Variants in RNGTT observed in about 807,000 individuals in gnomAD.
RNGTT encodes mRNA-capping enzyme.
In RNGTT, 33 loss-of-function variants were observed where a neutral mutation model predicts 79.3. The observed-to-expected ratio is 0.42, with a 90% confidence interval of 0.32 to 0.56. The LOEUF (loss-of-function observed/expected upper bound fraction) is 0.56, where lower values mean the gene tolerates loss of function less well. RNGTT is among the 20% of genes least tolerant of loss of function. The pLI, the probability that RNGTT is intolerant of heterozygous loss-of-function variation, is 0.17. For synonymous variants in RNGTT, 222 were observed against 235.9 expected, an observed-to-expected ratio of 0.94 and a Z score of 0.54; for missense variants, 497 against 739.1, an observed-to-expected ratio of 0.67 and a Z score of 3.80.
chr6:88,860,332 A>C (rs2127912820), intron 8 of RNGTT, among the ~76,000 whole-genome samples: 1 of 152,326 alleles, frequency 6.6e-6, no homozygotes, highest in East Asian at 1.9e-4. Flanking sequence ...TTTGTTTGGA[A>C]GAAACGATGG....
At chr6:88,729,975 T>G (rs969856275) in intron 13 of RNGTT, among the ~76,000 whole-genome samples, 1 of 152,182 alleles carries the variant, frequency 6.6e-6, no homozygotes, top group African/African-American at 2.4e-5. Context: ...TGTCACACCA[T>G]GCATCTGTGG....
chr6:88,834,698 T>C (rs1454225554), intron 11 of RNGTT, among the ~76,000 whole-genome samples: 1 of 152,148 alleles, frequency 6.6e-6, no homozygotes, highest in Non-Finnish European at 1.5e-5. Context: ...GATACAGTCA[T>C]AGAACAGTGA....
intron 8 of RNGTT, 73 bp from the exon 9 acceptor site, chr6:88,853,837 T>C: frequency 2.2e-6 from 2 of 894,476 alleles, no homozygotes; most frequent in Non-Finnish European, 3.4e-6. Flanking sequence ...AATAACATAC[T>C]GGTTTTCCAT....
intron 13 of RNGTT, among the ~76,000 whole-genome samples, chr6:88,708,068 G>T (rs1776199058): frequency 6.6e-6 from 1 of 151,958 alleles, no homozygotes; most frequent in African/African-American, 2.4e-5. Flanking sequence ...TTTTTCTTCT[G>T]TTTTAATAGT....
intron 11 of RNGTT, among the ~76,000 whole-genome samples, chr6:88,816,738 C>A (rs1204055503): frequency 1.3e-5 from 2 of 152,082 alleles, no homozygotes; most frequent in East Asian, 3.9e-4. Flanking sequence ...ACCCTAGAAT[C>A]AGTAATAAAA....
At chr6:88,924,099 G>C (rs945499239) in intron 4 of RNGTT, among the ~76,000 whole-genome samples, 1 of 152,200 alleles carries the variant, frequency 6.6e-6, no homozygotes, top group Non-Finnish European at 1.5e-5. Flanking sequence ...GGCTGGCTTC[G>C]CATGAGGAGG....
intron 11 of RNGTT, among the ~76,000 whole-genome samples, chr6:88,840,154 T>G (rs1188040402): frequency 6.6e-6 from 1 of 152,204 alleles, no homozygotes; most frequent in Non-Finnish European, 1.5e-5. Context: ...ATATCACTAT[T>G]TTACCATCCC....
At chr6:88,959,771 T>C (rs559878571) in intron 1 of RNGTT, among the ~76,000 whole-genome samples, 2 of 152,322 alleles carry the variant, frequency 1.3e-5, no homozygotes, top group East Asian at 3.9e-4. Context: ...ACTGCAATTG[T>C]ATGCCACTGA....
intron 2 of RNGTT, among the ~76,000 whole-genome samples, chr6:88,938,857 C>A (rs1028203657): frequency 1.3e-5 from 2 of 152,276 alleles, no homozygotes; most frequent in Non-Finnish European, 2.9e-5. Context: ...CTTTATTTCT[C>A]CTTCATTTAT....
At chr6:88,954,168 C>T (rs1374138427) in intron 1 of RNGTT, among the ~76,000 whole-genome samples, 2 of 152,118 alleles carry the variant, frequency 1.3e-5, no homozygotes, top group Admixed American at 6.5e-5. Flanking sequence ...GGCCCAAATG[C>T]TCCTTTTAAA....
chr6:88,732,442 A>C (rs1443609366), intron 13 of RNGTT, among the ~76,000 whole-genome samples: 1 of 152,228 alleles, frequency 6.6e-6, no homozygotes, highest in Non-Finnish European at 1.5e-5. Flanking sequence ...TGCAAAAAAC[A>C]GTATGGCAGT....
chr6:88,621,069 CT>C (rs1053221578), intron 14 of RNGTT, among the ~76,000 whole-genome samples: 3 of 152,146 alleles, frequency 2.0e-5, no homozygotes, highest in African/African-American at 7.2e-5. Context: ...TTAGGTATTT[CT>C]TTTGGCTTGG....
At chr6:88,898,240 C>A (rs1421777968) in intron 6 of RNGTT, among the ~76,000 whole-genome samples, 1 of 152,164 alleles carries the variant, frequency 6.6e-6, no homozygotes, top group East Asian at 1.9e-4. Flanking sequence ...AGAAAATAAT[C>A]CTCAGATAAA....
chr6:88,758,250 A>G (rs1009145842), intron 13 of RNGTT, among the ~76,000 whole-genome samples: 1 of 152,230 alleles, frequency 6.6e-6, no homozygotes, highest in Non-Finnish European at 1.5e-5. Flanking sequence ...AATTTTTGAT[A>G]AGAAATTACC....
intron 13 of RNGTT, among the ~76,000 whole-genome samples, chr6:88,699,626 C>A (rs1775876720): frequency 6.6e-6 from 1 of 152,114 alleles, no homozygotes; most frequent in Non-Finnish European, 1.5e-5. Flanking sequence ...GATAGTGCCA[C>A]TGTACTCAGG....
intron 11 of RNGTT, among the ~76,000 whole-genome samples, chr6:88,810,310 C>T (rs1780096006): frequency 6.6e-6 from 1 of 152,144 alleles, no homozygotes; most frequent in South Asian, 2.1e-4. Context: ...TGAAATGTCC[C>T]AGCTGCCTTT....
intron 13 of RNGTT, among the ~76,000 whole-genome samples, chr6:88,696,003 T>C (rs1775647588): frequency 1.3e-5 from 2 of 152,028 alleles, no homozygotes; most frequent in African/African-American, 2.4e-5. Flanking sequence ...GGTTAGGGGA[T>C]GGGGGAAACA....
rs1267574510 is a variant in RNGTT at position 88,891,840 on chromosome 6, G to A, written c.760C>T (p.Gln254Ter). Residue 254 changes from glutamine to a stop codon, truncating the protein, a stop_gained, in exon 7 of 16, where the codon CAG becomes TAG. Transcript: ENST00000369485. LOFTEE classifies it high-confidence loss of function. ...VTTQPKLGEV[Q>*]QKCHQFCGWE... ...CCACAGAATTGATGACACTTCTGCT[G>A]TACCTCTCCTAACTTTGGTTGTGTT... 6.2e-7 allele frequency: 1 copy of A among 1,602,314 alleles called. No homozygotes were observed. Among genetic ancestry groups the A allele is most frequent in the African/African-American group, 1.3e-5 (1 of 74,130 alleles).
chr6:88,941,459 G>C (rs1784844921), intron 1 of RNGTT, among the ~76,000 whole-genome samples: 1 of 152,022 alleles, frequency 6.6e-6, no homozygotes, highest in African/African-American at 2.4e-5. Flanking sequence ...GTAGAGACAG[G>C]GTTTCACCAC....
Sources: gnomAD v4.1 joint callset for allele counts (sites outside exome capture counted in the v4.1 genomes callset) on GRCh38, gnomAD v4.1.1 for gene constraint, MANE v1.5 for transcripts, NCBI Gene and HGNC (gene_info 2026-07-23, HGNC 2026-07-21) for gene names.